Variants in NAV3 observed in about 807,000 individuals in gnomAD.
The protein encoded by NAV3 is neuron navigator 3, also known as pore membrane and/or filament interacting like protein 1.
Under a neutral mutation model 244.7 loss-of-function variants are expected in NAV3, and 87 were observed. The ratio of observed to expected loss-of-function variants is 0.36; its 90% CI spans 0.30 to 0.42. The LOEUF is 0.42. Among genes scored for constraint, NAV3 ranks in the 20% least tolerant of loss-of-function variants. The pLI, the probability that NAV3 is intolerant of heterozygous loss-of-function variation, is 1.00. For missense variants in NAV3, 2,663 were observed against 2,893.3 expected (o/e 0.92, Z 1.83); for synonymous variants, 1,126 against 1,042.2 (o/e 1.08, Z -1.55).
At chr12:77,638,147 ATGTCT>A (rs570129872) in intron 2 of NAV3, among the ~76,000 whole-genome samples, 209 of 152,322 alleles carry the variant, frequency 1.4e-3, no homozygotes, top group African/African-American at 4.8e-3. Flanking sequence ...AGGAAAATTA[ATGTCT>A]TGTTCCAATT....
intron 2 of NAV3, among the ~76,000 whole-genome samples, chr12:77,819,371 G>A (rs1019395023): frequency 6.6e-6 from 1 of 150,586 alleles, no homozygotes. Context: ...TTTAAGCTGA[G>A]GTCCCTCAGG....
intron 2 of NAV3, among the ~76,000 whole-genome samples, chr12:77,686,072 T>C (rs903581909): frequency 6.6e-6 from 1 of 152,186 alleles, no homozygotes; most frequent in African/African-American, 2.4e-5. Flanking sequence ...CCATCATGCC[T>C]GATTTTAACT....
At chr12:77,694,031 C>G (rs1296422222) in intron 2 of NAV3, among the ~76,000 whole-genome samples, 1 of 151,988 alleles carries the variant, frequency 6.6e-6, no homozygotes, top group East Asian at 1.9e-4. Context: ...AATGCAATCC[C>G]CTATTCCATC....
chr12:77,624,238 C>T (rs747758744), intron 2 of NAV3, among the ~76,000 whole-genome samples: 18 of 152,098 alleles, frequency 1.2e-4, no homozygotes, highest in Non-Finnish European at 2.1e-4. Context: ...GGAAGGAAAT[C>T]AATTCAGTAG....
rs145467955 is a variant in NAV3 at position 77,885,431 on chromosome 12, G to C, written c.243+53727G>C. Among the ~76,000 whole-genome samples, 5 of 152,074 alleles carry C rather than the reference G, an allele frequency of 3.3e-5. No individual in the cohort carries two copies. In the East Asian group the frequency reaches 9.7e-4, roughly 29 times the overall value. On this transcript the variant is annotated intron_variant, in intron 1 of 39. Transcript: ENST00000397909. Reference sequence around the variant, plus strand: ...AAGATAACGATAGCAGTTTCCAATAGTACCTTACGCAGAATAAGTACTCAA... The same window carrying C: ...AAGATAACGATAGCAGTTTCCAATACTACCTTACGCAGAATAAGTACTCAA...
intron 38 of NAV3, 47 bp downstream of exon 38, chr12:78,200,638 C>CA (rs375822080): frequency 9.7e-5 from 98 of 1,014,512 alleles, no homozygotes; most frequent in Admixed American, 2.4e-4. Context: ...AAAAAAAAAG[C>CA]AAAAAAAATT....
intron 5 of NAV3, among the ~76,000 whole-genome samples, chr12:77,979,699 G>GAAAA (rs982567243): frequency 4.0e-4 from 32 of 79,340 alleles, no homozygotes; most frequent in African/African-American, 1.3e-3. Context: ...GATGTGAAAC[G>GAAAA]AAAAAAAAAA....
chr12:77,750,590 T>G (rs1868799122), intron 2 of NAV3, among the ~76,000 whole-genome samples: 1 of 151,348 alleles, frequency 6.6e-6, no homozygotes, highest in South Asian at 2.1e-4. Flanking sequence ...TAACCCTGGG[T>G]AAGTACAGAG....
At chr12:78,182,639 G>A (rs1958548162) in intron 30 of NAV3, among the ~76,000 whole-genome samples, 2 of 151,906 alleles carry the variant, frequency 1.3e-5, no homozygotes, top group Admixed American at 1.3e-4. Context: ...CAATTTCTAT[G>A]TTTATTGGTC....
At chr12:77,862,803 A>T (rs1215709020) in intron 1 of NAV3, among the ~76,000 whole-genome samples, 2 of 151,808 alleles carry the variant, frequency 1.3e-5, no homozygotes, top group Non-Finnish European at 3.0e-5. Flanking sequence ...TTCCATATTA[A>T]TCAGGCAGAA....
intron 2 of NAV3, among the ~76,000 whole-genome samples, chr12:77,745,648 C>T (rs1219296485): frequency 2.0e-5 from 3 of 151,878 alleles, no homozygotes; most frequent in Non-Finnish European, 4.4e-5. Flanking sequence ...AAACTGAGGA[C>T]ATTTTATGAC....
intron 9 of NAV3, among the ~76,000 whole-genome samples, chr12:78,041,635 G>A (rs1490360341): frequency 1.3e-5 from 2 of 152,194 alleles, no homozygotes; most frequent in Admixed American, 6.5e-5. Context: ...CCTTTCCAAT[G>A]TTGGAGTTTT....
intron 2 of NAV3, among the ~76,000 whole-genome samples, chr12:77,801,564 A>G (rs181566557): frequency 2.6e-5 from 4 of 152,064 alleles, no homozygotes; most frequent in African/African-American, 4.8e-5. Flanking sequence ...ATGTCTTTTC[A>G]TTCTTTCTCT....
At chr12:77,677,711 T>C (rs769826551) in intron 2 of NAV3, among the ~76,000 whole-genome samples, 4 of 152,230 alleles carry the variant, frequency 2.6e-5, no homozygotes, top group Non-Finnish European at 5.9e-5. Flanking sequence ...TTAGCAAGCG[T>C]GCAGTGAATG....
At chr12:77,578,780 C>G (rs1869213434) in intron 2 of NAV3, among the ~76,000 whole-genome samples, 1 of 152,080 alleles carries the variant, frequency 6.6e-6, no homozygotes. Context: ...ACACAAAGAA[C>G]AGCTGCTGCC....
chr12:78,191,953 T>C (rs955470008), intron 34 of NAV3, among the ~76,000 whole-genome samples: 1 of 152,150 alleles, frequency 6.6e-6, no homozygotes, highest in South Asian at 2.1e-4. Context: ...ACCATGACAT[T>C]TTGATAAAGT....
intron 2 of NAV3, among the ~76,000 whole-genome samples, chr12:77,765,964 G>A (rs1869730158): frequency 6.6e-6 from 1 of 152,146 alleles, no homozygotes; most frequent in Admixed American, 6.5e-5. Context: ...TGAAATTATT[G>A]TTGAATTTCA....
chr12:77,901,155 T>G (rs1885243096), intron 1 of NAV3, among the ~76,000 whole-genome samples: 1 of 152,218 alleles, frequency 6.6e-6, no homozygotes, highest in Non-Finnish European at 1.5e-5. Context: ...TGAGAATATT[T>G]TCTCCCATTT....
intron 2 of NAV3, among the ~76,000 whole-genome samples, chr12:77,789,852 GA>G (rs1316477652): frequency 1.7e-3 from 181 of 108,032 alleles, no homozygotes; most frequent in Admixed American, 3.1e-3. Flanking sequence ...CAAGAGAAAA[GA>G]AAAAAAAAAT....
Sources: allele counts gnomAD v4.1 joint callset (sites outside exome capture counted in the v4.1 genomes callset), GRCh38; gene constraint gnomAD v4.1.1; transcripts MANE v1.5; gene names NCBI Gene and HGNC (gene_info 2026-07-23, HGNC 2026-07-21).